Variants in SDK2 observed in about 807,000 individuals in gnomAD.
SDK2 encodes sidekick cell adhesion molecule 2.
A neutral mutation model predicts 253.9 loss-of-function variants in SDK2; 105 were observed. The observed-to-expected ratio is 0.41, with a 90% CI of 0.35 to 0.49. SDK2 has a LOEUF of 0.49. SDK2 is among the 20% of genes least tolerant of loss of function. SDK2 has a pLI of 0.06. For synonymous variants in SDK2, 1,249 were observed against 1,234.9 expected (o/e 1.01, Z -0.24); for missense variants, 2,608 against 3,003.0 (o/e 0.87, Z 3.07).
rs574562964 is a variant in SDK2, at chr17:73,361,722, G to A, written c.5429C>T (p.Pro1810Leu). The A allele has an allele frequency of 3.7e-6, 6 of 1,612,636 alleles. No individual in the cohort carries two copies. Among genetic ancestry groups the A allele is most frequent in the East Asian group, 2.2e-5 (1 of 44,840 alleles). The change falls in exon 39 of 45, where the codon CCG (proline) becomes CTG (leucine). Residue 1810 changes from proline (P) to leucine (L), a missense_variant. Transcript: ENST00000392650. The surrounding 1 kb of genome is among the most constrained non-coding windows in gnomAD (Gnocchi z 4.1). ...CGTGGTGACGTTGGCTTCGATCTCC[G>A]GCCCGTAGGTGAAGGTCTTGGCTCT... is the stretch of plus-strand genomic sequence containing the variant. ...RIRAKTFTYG[P>L]EIEANVTTGP...
chr17:73,412,019 CGTATATGTATATAT>C (rs1568389179), intron 18 of SDK2, among the ~76,000 whole-genome samples: 3 of 49,044 alleles, frequency 6.1e-5, no homozygotes, highest in Admixed American at 2.3e-4. Context: ...TGTAGATATA[CGTATATGTATATAT>C]ACGTATATAT....
chr17:73,493,572 A>G (rs11657159), intron 2 of SDK2, among the ~76,000 whole-genome samples: 60,489 of 152,096 alleles, frequency 0.4, 12,159 homozygotes, highest in East Asian at 0.54. Flanking sequence ...GCTCCCCGCT[A>G]ATTTGCAGTG....
At chr17:73,366,705 C>A (rs1005738680) in intron 37 of SDK2, among the ~76,000 whole-genome samples, 3 of 152,126 alleles carry the variant, frequency 2.0e-5, no homozygotes, top group African/African-American at 7.2e-5. Context: ...TGGGTGACCC[C>A]GGCTCATCGT....
At chr17:73,445,077 T>C (rs554173924) in intron 5 of SDK2, among the ~76,000 whole-genome samples, 26 of 152,372 alleles carry the variant, frequency 1.7e-4, no homozygotes, top group African/African-American at 5.8e-4. Context: ...TTTTCAGCTA[T>C]AAATTTTGTG....
rs559664139 is a variant in SDK2 at position 73,578,428 on chromosome 17, T to C, written c.64+65597A>G. On this transcript the variant is annotated intron_variant, in intron 1 of 44. Transcript: ENST00000392650. ...ACCTCTGACCTCCCAAACTGTAAGA[T>C]AACAAATTTGTATTGTTTTGAGCCA... 2.0e-4 allele frequency among the ~76,000 whole-genome samples: 30 copies of C among 152,296 alleles called. No homozygotes were observed. The South Asian group carries it at 5.0e-3, about 25-fold the overall frequency.
Position 73,455,853 on chromosome 17 carries a change from C to A in SDK2, c.479+53G>T. On this transcript the variant is annotated intron_variant, in intron 4 of 44. Coordinates refer to ENST00000392650, the MANE Select transcript of SDK2 (RefSeq NM_001144952.2). This position sits in a 1 kb window ranked among gnomAD's most constrained non-coding sequence, Gnocchi z 5.0. ...AGGGAGACTTTATCTGGCCCCAAAC[C>A]TCCTCCCCCAGACACCCCTCCCCTC... 6.7e-7 allele frequency: 1 copy of A among 1,496,098 alleles called. No homozygotes were observed. Among genetic ancestry groups the A allele is most frequent in the South Asian group, 1.3e-5 (1 of 79,344 alleles). The allele number at this position is 1,496,098 out of a possible 1,614,324, so 92.7% of individuals were successfully genotyped here.
chr17:73,571,512 A>T (rs111974394), intron 1 of SDK2, among the ~76,000 whole-genome samples: 11 of 152,190 alleles, frequency 7.2e-5, no homozygotes, highest in African/African-American at 2.2e-4. Flanking sequence ...CCTGGGGGGA[A>T]CATGTGGGAG....
intron 16 of SDK2, among the ~76,000 whole-genome samples, chr17:73,417,585 G>T (rs1014981371): frequency 3.9e-5 from 6 of 152,180 alleles, no homozygotes; most frequent in Middle Eastern, 3.4e-3. Context: ...TTTGATGGGG[G>T]AGGATTGCTA....
chr17:73,617,312 G>T (rs28603235), intron 1 of SDK2, among the ~76,000 whole-genome samples: 3 of 150,902 alleles, frequency 2.0e-5, no homozygotes, highest in Admixed American at 1.3e-4. Context: ...AGAGGGGAGG[G>T]GAGAGGCCTC....
Position 73,383,883 on chromosome 17 carries a change from C to A in SDK2, c.4698G>T (p.Glu1566Asp), listed in dbSNP as rs763345868. 4 of 1,613,990 alleles carry A rather than the reference C, an allele frequency of 2.5e-6. No homozygotes were observed. The South Asian group carries it at 4.4e-5, about 18-fold the overall frequency. Reference protein sequence around the residue: ...GINNPGATWAELTSMYSMRNL... With the variant: ...GINNPGATWADLTSMYSMRNL... ...CTCCCAAGTGTCACTCACAGGTAAG[C>A]TCAGCCCATGTGGCCCCTGGGTTGT... The change falls in exon 33 of 45, where the codon GAG (glutamate) becomes GAT (aspartate). Residue 1566 changes from glutamate to aspartate, a missense_variant. This residue lies in a region of SDK2 where 1,103 missense variants were observed against 1,143.9 expected (regional missense o/e 0.96). Transcript: ENST00000392650. This position sits in a 1 kb window ranked among gnomAD's most constrained non-coding sequence, Gnocchi z 4.3.
intron 1 of SDK2, among the ~76,000 whole-genome samples, chr17:73,604,054 G>C (rs2045875710): frequency 6.6e-6 from 1 of 152,270 alleles, no homozygotes; most frequent in African/African-American, 2.4e-5. Flanking sequence ...AGATCCCCTG[G>C]AGATTGCCAC....
At chr17:73,582,585 A>G (rs1041107343) in intron 1 of SDK2, among the ~76,000 whole-genome samples, 20 of 152,192 alleles carry the variant, frequency 1.3e-4, no homozygotes, top group Admixed American at 6.5e-5. Flanking sequence ...CCGAGGGGCC[A>G]GGCTCCCGGA....
In SDK2 at chr17:73,361,781, GTCC is replaced by G. The variant is rs1276122035; in HGVS notation, c.5367_5369del (p.Lys1789_Asp1790delinsAsn). On this transcript the variant is annotated inframe_deletion, in exon 39 of 45. Transcript: ENST00000392650. The surrounding 1 kb of genome is among the most constrained non-coding windows in gnomAD (Gnocchi z 4.1). Reference sequence around the variant, plus strand: ...ACCTGTAGGTCACCCCCTCCGCCAGGTCCTTCACCTTCAGCCACAGGGGGCTGT... The same window carrying G: ...ACCTGTAGGTCACCCCCTCCGCCAGGTTCACCTTCAGCCACAGGGGGCTGT... 6.2e-7 allele frequency: 1 copy of G among 1,611,664 alleles called. No homozygotes were observed. The highest frequency in any genetic ancestry group is 2.2e-5 in the East Asian group (1 of 44,844).
chr17:73,348,818 C>T (rs752457134), intron 43 of SDK2, 93 bp from the exon 44 acceptor site: 54 of 1,000,384 alleles, frequency 5.4e-5, no homozygotes, highest in Non-Finnish European at 7.0e-5. Context: ...CTGGGGAACA[C>T]GGATCCCTGC....
chr17:73,391,443 G>T lies in SDK2; in HGVS notation c.3994C>A (p.Leu1332Ile). 7.6e-7 allele frequency: 1 copy of T among 1,308,630 alleles called. No homozygotes were observed. Among genetic ancestry groups the T allele is most frequent in the Non-Finnish European group, 9.8e-7 (1 of 1,019,600 alleles). 81.1% of individuals were successfully genotyped at this position (1,308,630 alleles called of 1,614,324 possible). ...CACGGGAAGGGCAAAGGCTTACCAAGAATGATGCCATTGGGGGCGGCAGGG... is the reference window on the plus strand; with the variant it reads ...CACGGGAAGGGCAAAGGCTTACCAATAATGATGCCATTGGGGGCGGCAGGG... Reference protein sequence around the residue: ...QPPAAPNGIILAYQITHRLNT... With the variant: ...QPPAAPNGIIIAYQITHRLNT... Residue 1332 changes from leucine (L) to isoleucine (I), a missense_variant, in exon 28 of 45, where the codon CTT becomes ATT. By Grantham distance (5) the Leu-to-Ile change is conservative. This residue lies in a region of SDK2 where 1,505 missense variants were observed against 1,859.1 expected (regional missense o/e 0.81). Coordinates refer to ENST00000392650, the MANE Select transcript of SDK2 (RefSeq NM_001144952.2).
chr17:73,419,114 C>A, intron 16 of SDK2, 52 bp downstream of exon 16: 1 of 1,589,764 alleles, frequency 6.3e-7, no homozygotes, highest in South Asian at 1.1e-5. Flanking sequence ...CCGATCTTCC[C>A]CCATGCCTTT....
In SDK2 at chr17:73,398,428, A is replaced by G. The variant is rs1380409299; in HGVS notation, c.3095T>C (p.Val1032Ala). 1 of 1,613,302 alleles carries G rather than the reference A, an allele frequency of 6.2e-7. No homozygotes were observed. The highest frequency in any genetic ancestry group is 1.1e-5 in the South Asian group (1 of 91,028). The change falls in exon 23 of 45, where the codon GTA (valine) becomes GCA (alanine). Residue 1032 changes from valine to alanine, a missense_variant and splice_region_variant. Around this residue, in one of 2 missense-constraint regions of SDK2, gnomAD observed 1,505 missense variants for 1,859.1 expected, o/e 0.81. Transcript: ENST00000392650. ...CTCCTCTCCCTCCCCAACCACGCCT[A>G]CCTGGAAAAGGGCAGGATCTTAGGC... Reference protein sequence around the residue: ...SISRWLVEAQVGVVGEGEEWL... With the variant: ...SISRWLVEAQAGVVGEGEEWL...
chr17:73,508,326 T>A (rs1363085187), intron 1 of SDK2, among the ~76,000 whole-genome samples: 1 of 152,248 alleles, frequency 6.6e-6, no homozygotes, highest in Non-Finnish European at 1.5e-5. Context: ...ACAGAGACCG[T>A]GAATTTCGCC....
chr17:73,582,165 C>T (rs113008244), intron 1 of SDK2, among the ~76,000 whole-genome samples: 1 of 152,052 alleles, frequency 6.6e-6, no homozygotes, highest in Non-Finnish European at 1.5e-5. Flanking sequence ...GGGGCGCTCA[C>T]CACGCAGGCA....
Sources: gnomAD v4.1 joint callset for allele counts (sites outside exome capture counted in the v4.1 genomes callset) on GRCh38, gnomAD v4.1.1 for gene constraint, gnomAD v4.1.1 regional missense constraint, Gnocchi (gnomAD v3.1) non-coding constraint, MANE v1.5 for transcripts, NCBI Gene and HGNC (gene_info 2026-07-23, HGNC 2026-07-21) for gene names.